ZNF536: variants seen among roughly 807,000 people sequenced by gnomAD.
The protein encoded by ZNF536 is zinc finger protein 536.
A neutral mutation model predicts 84.5 loss-of-function variants in ZNF536; 13 were observed. The observed-to-expected ratio is 0.15, with a 90% CI of 0.10 to 0.24. ZNF536 has a LOEUF of 0.24. ZNF536 is among the 10% of genes least tolerant of loss of function. The pLI is 1.00. For missense variants in ZNF536, 1,536 were observed against 1,747.5 expected, an observed-to-expected ratio of 0.88 and a Z score of 2.16; for synonymous variants, 811 against 742.5, an observed-to-expected ratio of 1.09 and a Z score of -1.50.
chr19:30,641,237 G>T (rs1294019868), intron 1 of ZNF536, among the ~76,000 whole-genome samples: 1 of 152,090 alleles, frequency 6.6e-6, no homozygotes, highest in Non-Finnish European at 1.5e-5. Flanking sequence ...AAATCAACCT[G>T]TGTTTTCTTG....
At chr19:30,232,994 C>T (rs2144681196) in intron 1 of ZNF536, among the ~76,000 whole-genome samples, 1 of 152,348 alleles carries the variant, frequency 6.6e-6, no homozygotes, top group Admixed American at 6.5e-5. Context: ...GGAAGGTCAG[C>T]TGTGGTCCTA....
chr19:30,565,375 C>A (rs1162871788), intron 1 of ZNF536, among the ~76,000 whole-genome samples: 1 of 152,064 alleles, frequency 6.6e-6, no homozygotes, highest in Non-Finnish European at 1.5e-5. Flanking sequence ...GGCCTGCTAC[C>A]GGACTTGTTC....
In ZNF536 at chr19:30,234,526, C is replaced by G. The variant is rs368204684; in HGVS notation, c.-190+5853C>G. On this transcript the variant is annotated intron_variant, in intron 1 of 5. Transcript: ENST00000585628. ...AAGGGGTCCTCCCGCCTCAGCCTCT[C>G]AAGTTGCTGGGATTACAAGCATGTG... Among the ~76,000 whole-genome samples, 67 of 150,844 alleles carry G rather than the reference C, an allele frequency of 4.4e-4. 4 individuals carry two copies. The South Asian group carries it at 0.014, about 31-fold the overall frequency.
intron 1 of ZNF536, among the ~76,000 whole-genome samples, chr19:30,608,828 C>G (rs1054360600): frequency 6.6e-6 from 1 of 152,192 alleles, no homozygotes; most frequent in African/African-American, 2.4e-5. Flanking sequence ...AACATTGTGA[C>G]CAGCTTCCTT....
intron 1 of ZNF536, among the ~76,000 whole-genome samples, chr19:30,664,203 TTTCTCTCTCTCTCTCTCTCTCTCTC>T (rs2050223508): frequency 2.3e-5 from 2 of 88,708 alleles, no homozygotes; most frequent in Non-Finnish European, 2.0e-5. Context: ...CTTGCTGAGT[TTTCTCTCTCTCTCTCTCTCTCTCTC>T]TCTCTCTCTC....
At chr19:30,597,379 C>T (rs2047504593) in intron 1 of ZNF536, among the ~76,000 whole-genome samples, 1 of 152,250 alleles carries the variant, frequency 6.6e-6, no homozygotes, top group Non-Finnish European at 1.5e-5. Flanking sequence ...GGGCATCCCC[C>T]TCTAGAAAAC....
chr19:30,591,863 T>C (rs2047288375), intron 1 of ZNF536, among the ~76,000 whole-genome samples: 1 of 152,206 alleles, frequency 6.6e-6, no homozygotes, highest in South Asian at 2.1e-4. Flanking sequence ...TTGGAAAACT[T>C]TCTCAGTGCA....
At chr19:30,353,362 A>T (rs531788487) in intron 3 of ZNF536, among the ~76,000 whole-genome samples, 64 of 152,268 alleles carry the variant, frequency 4.2e-4, no homozygotes, top group African/African-American at 1.5e-3. Flanking sequence ...TCTGCAGCGT[A>T]AGAGTGGGAA....
At chr19:30,488,802 G>C (rs1392565760) in intron 2 of ZNF536, among the ~76,000 whole-genome samples, 3 of 152,168 alleles carry the variant, frequency 2.0e-5, no homozygotes, top group Non-Finnish European at 4.4e-5. Flanking sequence ...CAAGGCTTCA[G>C]TTTGATGCTA....
chr19:30,551,889 A>T (rs980813973), intron 4 of ZNF536, among the ~76,000 whole-genome samples: 1 of 151,930 alleles, frequency 6.6e-6, no homozygotes, highest in Non-Finnish European at 1.5e-5. Flanking sequence ...GCCAGTTCTC[A>T]TCCCACTCCC....
intron 1 of ZNF536, among the ~76,000 whole-genome samples, chr19:30,678,718 G>T (rs1050901352): frequency 2.7e-5 from 4 of 145,876 alleles, no homozygotes; most frequent in Admixed American, 6.9e-5. Context: ...GGAGCTCCTT[G>T]GTACCCACCC....
chr19:30,279,076 T>A (rs979380090), intron 1 of ZNF536, among the ~76,000 whole-genome samples: 8 of 152,218 alleles, frequency 5.3e-5, no homozygotes, highest in Non-Finnish European at 1.0e-4. Flanking sequence ...CTGTTCACTC[T>A]TCCTGTACCG....
At chr19:30,594,046 T>C (rs1002084817) in intron 1 of ZNF536, among the ~76,000 whole-genome samples, 1 of 152,224 alleles carries the variant, frequency 6.6e-6, no homozygotes, top group Admixed American at 6.5e-5. Flanking sequence ...ATGTCTTCCA[T>C]GGGGCTACCA....
At chr19:30,355,886 C>T (rs1030343355) in intron 3 of ZNF536, among the ~76,000 whole-genome samples, 5 of 152,122 alleles carry the variant, frequency 3.3e-5, no homozygotes, top group Admixed American at 2.0e-4. Flanking sequence ...AAACTCTCAC[C>T]GCCTCCCAAT....
chr19:30,417,148 A>AT (rs71173904), intron 1 of ZNF536, among the ~76,000 whole-genome samples: 2,668 of 100,096 alleles, frequency 0.027, 109 homozygotes, highest in Non-Finnish European at 0.038. Flanking sequence ...TAATTTTTGT[A>AT]TTTTTTTTTT....
At chr19:30,571,018 C>T (rs968084982) in intron 1 of ZNF536, among the ~76,000 whole-genome samples, 4 of 152,204 alleles carry the variant, frequency 2.6e-5, no homozygotes, top group African/African-American at 4.8e-5. Context: ...GTGGGCCTCA[C>T]GCAGGGCCTG....
At chr19:30,316,792 A>C (rs146159075) in intron 2 of ZNF536, among the ~76,000 whole-genome samples, 2 of 152,244 alleles carry the variant, frequency 1.3e-5, no homozygotes, top group Admixed American at 6.5e-5. Context: ...GGGCTGGTAC[A>C]TAAAGCCTAC....
At chr19:30,582,185 A>T (rs2146683401) in intron 1 of ZNF536, among the ~76,000 whole-genome samples, 1 of 152,192 alleles carries the variant, frequency 6.6e-6, no homozygotes, top group Admixed American at 6.5e-5. Context: ...AAGTTCAGGG[A>T]GACCGAGGCA....
intron 1 of ZNF536, among the ~76,000 whole-genome samples, chr19:30,241,053 C>T (rs2144860397): frequency 6.6e-6 from 1 of 152,336 alleles, no homozygotes; most frequent in African/African-American, 2.4e-5. Context: ...GGCAGTGGCT[C>T]ACACCTTTAA....
Sources: gnomAD v4.1 joint callset for allele counts (sites outside exome capture counted in the v4.1 genomes callset) on GRCh38, gnomAD v4.1.1 for gene constraint, MANE v1.5 for transcripts, NCBI Gene and HGNC (gene_info 2026-07-23, HGNC 2026-07-21) for gene names.